Variants in STAB2 observed in about 807,000 individuals in gnomAD.
The protein encoded by STAB2 is stabilin-2.
STAB2 carries 288 observed loss-of-function variants against 338.1 expected under a neutral mutation model. The ratio of observed to expected loss-of-function variants is 0.85; its 90% CI spans 0.77 to 0.94. The LOEUF (loss-of-function observed/expected upper bound fraction) is 0.94, where lower values mean the gene tolerates loss of function less well. Ranked by LOEUF, STAB2 falls within the 40% of genes least tolerant of loss-of-function variation. The pLI, the probability that STAB2 is intolerant of heterozygous loss-of-function variation, is 0.00. For missense variants in STAB2, 3,141 were observed against 3,210.1 expected (o/e 0.98, Z 0.52); for synonymous variants, 1,202 against 1,193.3 (o/e 1.01, Z -0.15).
chr12:103,742,440 C>G lies in STAB2; in HGVS notation c.5917C>G (p.Arg1973Gly), dbSNP rs371078918. 12 of 1,614,094 alleles carry G rather than the reference C, an allele frequency of 7.4e-6. No homozygotes were observed. Among genetic ancestry groups the G allele is most frequent in the Non-Finnish European group, 1.0e-5 (12 of 1,180,012 alleles). ...PGGPDAPCNN[R>G]GVCLDQYSAT... ...AGGACCAGATGCCCCGTGTAATAAC[C>G]GGGGTGTCTGCCTTGATCAGTACTC... is the stretch of plus-strand genomic sequence containing the variant. The change falls in exon 56 of 69, where the codon CGG becomes GGG. Residue 1973 changes from arginine (R) to glycine (G), a missense_variant. Arg to Gly is a moderately radical substitution (Grantham distance 125). Coordinates refer to ENST00000388887, the MANE Select transcript of STAB2 (RefSeq NM_017564.10).
chr12:103,639,194 T>C (rs1196471949), intron 8 of STAB2, among the ~76,000 whole-genome samples: 1 of 152,090 alleles, frequency 6.6e-6, no homozygotes. Context: ...TCTCTGAAAA[T>C]GGGTTCCAAG....
chr12:103,690,482 G>A lies in STAB2; in HGVS notation c.3241G>A (p.Asp1081Asn), dbSNP rs1269830402. The A allele has an allele frequency of 1.2e-6, 2 of 1,614,104 alleles. No homozygotes were observed. The highest frequency in any genetic ancestry group is 1.7e-5 in the Admixed American group (1 of 60,018). Reference protein sequence around the residue: ...VADLQTLSSSDMLATSLQGNF... With the variant: ...VADLQTLSSSNMLATSLQGNF... ...AGATCTGCAGACCCTGTCTTCTTCT[G>A]ACATGTTGGCAACATCTTTGCAGGG... is the stretch of plus-strand genomic sequence containing the variant. The change falls in exon 30 of 69, where the codon GAC becomes AAC. Residue 1081 changes from aspartate to asparagine, a missense_variant. By Grantham distance (23) the Asp-to-Asn change is conservative. Coordinates refer to ENST00000388887, the MANE Select transcript of STAB2 (RefSeq NM_017564.10).
intron 3 of STAB2, among the ~76,000 whole-genome samples, chr12:103,603,543 C>T (rs898448271): frequency 4.6e-5 from 7 of 152,212 alleles, no homozygotes; most frequent in African/African-American, 1.7e-4. Flanking sequence ...AGGTCTATTT[C>T]TGGACCCTCT....
At chr12:103,709,444 G>A (rs1408748908) in intron 39 of STAB2, among the ~76,000 whole-genome samples, 2 of 152,180 alleles carry the variant, frequency 1.3e-5, no homozygotes, top group Non-Finnish European at 2.9e-5. Flanking sequence ...ATCGTATTTG[G>A]CACTTAAGAA....
At chr12:103,709,927 C>T (rs952444620) in intron 39 of STAB2, among the ~76,000 whole-genome samples, 13 of 152,154 alleles carry the variant, frequency 8.5e-5, no homozygotes, top group African/African-American at 3.1e-4. Context: ...ACCCATGCAC[C>T]TGGTCACCCA....
At chr12:103,690,335 C>A in intron 29 of STAB2, 89 bp from the exon 30 acceptor site, 1 of 1,170,992 alleles carries the variant, frequency 8.5e-7, no homozygotes, top group Non-Finnish European at 1.2e-6. Context: ...CTATGGCAAT[C>A]TGGCTCCAGA....
At position 103,622,109 on chromosome 12, in the gene STAB2, C is replaced by A. The variant is rs1593151922; in HGVS notation, c.485C>A (p.Ser162Ter). 2 of 1,614,170 alleles carry A rather than the reference C, an allele frequency of 1.2e-6. No individual in the cohort carries two copies. Among genetic ancestry groups the A allele is most frequent in the East Asian group, 4.5e-5 (2 of 44,880 alleles). The change falls in exon 5 of 69, where the codon TCA becomes TAA. Residue 162 changes from serine to a stop codon, truncating the protein, a stop_gained and splice_region_variant. Coordinates refer to ENST00000388887, the MANE Select transcript of STAB2 (RefSeq NM_017564.10). LOFTEE classifies it high-confidence loss of function. Reference protein sequence around the residue: ...DDNLFGPSCSSVCNCVHGVCN... With the variant: ...DDNLFGPSCS ...AACTTATTTGGACCCAGCTGTTCAT[C>A]AGGTATGTCTGATTTTTGTGTAATC...
intron 5 of STAB2, among the ~76,000 whole-genome samples, chr12:103,624,277 T>C (rs1474084660): frequency 6.6e-6 from 1 of 152,224 alleles, no homozygotes; most frequent in Admixed American, 6.5e-5. Flanking sequence ...CTCACTACAC[T>C]GTTTTTGGAT....
intron 26 of STAB2, among the ~76,000 whole-genome samples, 177 bp downstream of exon 26, chr12:103,683,477 A>C (rs1251761807): frequency 1.3e-5 from 2 of 152,250 alleles, no homozygotes; most frequent in East Asian, 3.8e-4. Flanking sequence ...AAAGCTTGGA[A>C]GAACCAACAT....
chr12:103,750,209 C>T (rs1434571323), intron 59 of STAB2, among the ~76,000 whole-genome samples: 5 of 152,104 alleles, frequency 3.3e-5, no homozygotes, highest in Non-Finnish European at 7.4e-5. Flanking sequence ...TGCTTGTGCA[C>T]AAGTAGAGAG....
chr12:103,716,200 G>A (rs1261078253), intron 43 of STAB2, among the ~76,000 whole-genome samples: 1 of 152,226 alleles, frequency 6.6e-6, no homozygotes, highest in Non-Finnish European at 1.5e-5. Context: ...GCATTCTGAT[G>A]CCCAGAATCC....
At position 103,663,143 on chromosome 12, in the gene STAB2, T is replaced by A. The variant is rs575977273; in HGVS notation, c.2022+145T>A. On this transcript the variant is annotated intron_variant, in intron 18 of 68. Coordinates refer to ENST00000388887, the MANE Select transcript of STAB2 (RefSeq NM_017564.10). ...CAAAGGGCTTCCGTCTTCATGAAGA[T>A]GCAGGTGGATCTGAAGTCCCACCTC... 1.8e-4 allele frequency: 182 copies of A among 1,030,102 alleles called. 1 individual carries two copies. In the East Asian group the frequency reaches 3.3e-3, roughly 19 times the overall value. The allele number at this position is 1,030,102 out of a possible 1,614,324, so 63.8% of individuals were successfully genotyped here. A position where few individuals can be genotyped will look rare whatever the true frequency, so the allele number is the denominator to read the frequency against.
chr12:103,687,610 A>T (rs1304385627), intron 27 of STAB2, among the ~76,000 whole-genome samples: 1 of 152,196 alleles, frequency 6.6e-6, no homozygotes, highest in Non-Finnish European at 1.5e-5. Context: ...CCAGCCTCTA[A>T]TCACTTTAAA....
In STAB2 at chr12:103,608,905, G is replaced by A. The variant is rs569031420; in HGVS notation, c.332-11563G>A. ...GATCCAGTTTCAGCTTTCTACATAC[G>A]GCTAGCCAGTTTTCCCAGCACCATT... On this transcript the variant is annotated intron_variant, in intron 3 of 68. Coordinates refer to ENST00000388887, the MANE Select transcript of STAB2 (RefSeq NM_017564.10). Among the ~76,000 whole-genome samples the A allele has an allele frequency of 1.5e-4, 23 of 152,220 alleles. No homozygotes were observed. In the South Asian group the frequency reaches 2.9e-3, roughly 19 times the overall value.
chr12:103,726,864 A>G lies in STAB2; in HGVS notation c.4852-403A>G, dbSNP rs543910294. 7.0e-4 allele frequency among the ~76,000 whole-genome samples: 107 copies of G among 152,340 alleles called. 2 individuals are homozygous for G. The highest frequency in any genetic ancestry group is 1.8e-3 in the African/African-American group (76 of 41,582). The stretch of plus-strand genomic sequence containing the variant: ...CATATGATCTTAGAATTGCAAGAAG[A>G]CAATTATAACAGTTAAGTATATCAA... On this transcript the variant is annotated intron_variant, in intron 46 of 68. Coordinates refer to ENST00000388887, the MANE Select transcript of STAB2 (RefSeq NM_017564.10).
intron 3 of STAB2, among the ~76,000 whole-genome samples, chr12:103,618,862 C>G (rs955001640): frequency 6.6e-6 from 1 of 152,088 alleles, no homozygotes; most frequent in African/African-American, 2.4e-5. Flanking sequence ...ATAATTCTCA[C>G]GTGTCATGGG....
intron 44 of STAB2, among the ~76,000 whole-genome samples, chr12:103,723,536 TAAC>T (rs1056380969): frequency 2.0e-5 from 3 of 152,370 alleles, no homozygotes; most frequent in Admixed American, 2.0e-4. Flanking sequence ...AGGCAAACCG[TAAC>T]ATCATCTCTA....
In STAB2 at chr12:103,735,471, T is replaced by C. The variant is rs770563615; in HGVS notation, c.5461-20T>C. ...TCGGCCCAAATTTGGGGCAGTCACG[T>C]GGTGCCATCACTCCTACAGGTTTTA... On this transcript the variant is annotated intron_variant, in intron 51 of 68. Coordinates refer to ENST00000388887, the MANE Select transcript of STAB2 (RefSeq NM_017564.10). 6.4e-7 allele frequency: 1 copy of C among 1,568,694 alleles called. No individual in the cohort carries two copies. The highest frequency in any genetic ancestry group is 8.6e-7 in the Non-Finnish European group (1 of 1,158,168).
chr12:103,613,323 A>G (rs4402400), intron 3 of STAB2, among the ~76,000 whole-genome samples: 48,919 of 152,094 alleles, frequency 0.32, 10,029 homozygotes, highest in African/African-American at 0.58. Context: ...CTTGAGCTGC[A>G]GTGGGCTCCA....
Sources: allele counts gnomAD v4.1 joint callset (sites outside exome capture counted in the v4.1 genomes callset), GRCh38; gene constraint gnomAD v4.1.1; transcripts MANE v1.5; gene names NCBI Gene and HGNC (gene_info 2026-07-23, HGNC 2026-07-21).